The following WARS2 variants were observed in gnomAD, a reference collection of about 807,000 sequenced individuals.
WARS2 encodes the protein tryptophanyl tRNA synthetase 2, mitochondrial.
WARS2 carries 28 observed loss-of-function variants against 36.5 expected under a neutral mutation model. The ratio of observed to expected loss-of-function variants is 0.77; its 90% CI spans 0.57 to 1.05. WARS2 has a LOEUF of 1.05. WARS2 is among the 50% of genes least tolerant of loss of function. WARS2 has a pLI of 0.00. For missense variants in WARS2, 435 were observed against 456.8 expected (o/e 0.95, Z 0.44); for synonymous variants, 174 against 178.4 (o/e 0.98, Z 0.20).
chr1:119,137,992 T>C (rs913389670), intron 1 of WARS2, among the ~76,000 whole-genome samples: 5 of 152,226 alleles, frequency 3.3e-5, no homozygotes, highest in African/African-American at 7.2e-5. Flanking sequence ...AGCACTGTTA[T>C]GGCTCATTCA....
chr1:119,128,662 T>C (rs1655864572), intron 1 of WARS2, among the ~76,000 whole-genome samples: 1 of 147,026 alleles, frequency 6.8e-6, no homozygotes, highest in Non-Finnish European at 1.5e-5. Flanking sequence ...ATTTAAATGG[T>C]ATTCAGCTGA....
chr1:119,134,340 AAC>A (rs1491396514), intron 1 of WARS2, among the ~76,000 whole-genome samples: 1 of 150,704 alleles, frequency 6.6e-6, no homozygotes, highest in African/African-American at 2.4e-5. Flanking sequence ...AAAAAAAAAA[AAC>A]AAAGACAAAA....
intron 1 of WARS2, among the ~76,000 whole-genome samples, chr1:119,130,858 C>A (rs9428294): frequency 0.89 from 135,219 of 152,214 alleles, 60,362 homozygotes; most frequent in African/African-American, 0.97. Context: ...GCTCAACAGG[C>A]AAATCTTCCT....
At chr1:119,086,513 G>T (rs587687062) in intron 1 of WARS2, among the ~76,000 whole-genome samples, 10 of 152,290 alleles carry the variant, frequency 6.6e-5, no homozygotes, top group Admixed American at 3.3e-4. Context: ...TTGAGAGGTG[G>T]ATGGATAATA....
chr1:119,043,823 A>G (rs1458788541), intron 3 of WARS2, among the ~76,000 whole-genome samples: 1 of 152,210 alleles, frequency 6.6e-6, no homozygotes, highest in Non-Finnish European at 1.5e-5. Flanking sequence ...TTGAGTGCCT[A>G]TTATGTGCTC....
Position 119,032,182 on chromosome 1 carries a change from G to A in WARS2, c.*729C>T, listed in dbSNP as rs1255022684. The A allele has an allele frequency of 6.6e-6, 1 of 152,076 alleles. No individual in the cohort carries two copies. Among genetic ancestry groups the A allele is most frequent in the Non-Finnish European group, 1.5e-5 (1 of 68,038 alleles). 9.4% of individuals were successfully genotyped at this position (152,076 alleles called of 1,614,324 possible). A position where few individuals can be genotyped will look rare whatever the true frequency, so the allele number is the denominator to read the frequency against. ...GACAATAATTCTCCTAATTCATAGG[G>A]GGTTGGTGAGACTAAACTGAAATGA... On this transcript the variant is annotated 3_prime_UTR_variant, in exon 6 of 6. Transcript: ENST00000235521.
chr1:119,127,882 T>G (rs1288631365), intron 1 of WARS2, among the ~76,000 whole-genome samples: 4 of 152,284 alleles, frequency 2.6e-5, no homozygotes, highest in African/African-American at 7.2e-5. Context: ...TCAAGAAAAT[T>G]TTGGTAAGGC....
chr1:119,109,200 C>T (rs971765007), intron 1 of WARS2, among the ~76,000 whole-genome samples: 1 of 151,904 alleles, frequency 6.6e-6, no homozygotes. Flanking sequence ...TTGTGAGATA[C>T]AAATCATCTA....
chr1:119,120,767 C>T (rs1456196301), intron 1 of WARS2, among the ~76,000 whole-genome samples: 1 of 151,910 alleles, frequency 6.6e-6, no homozygotes, highest in East Asian at 1.9e-4. Flanking sequence ...AATGATATAC[C>T]ACACAAACAG....
At chr1:119,046,288 T>G (rs997436319) in intron 2 of WARS2, among the ~76,000 whole-genome samples, 2 of 13,126 alleles carry the variant, frequency 1.5e-4, no homozygotes, top group African/African-American at 8.1e-4. Context: ...CTTTTCTGTT[T>G]TTTTTTTTTT....
chr1:119,045,452 G>C, intron 3 of WARS2, 130 bp downstream of exon 3: 1 of 734,814 alleles, frequency 1.4e-6, no homozygotes. Context: ...AAGCAGGGAG[G>C]TTAAAGATGA....
intron 1 of WARS2, among the ~76,000 whole-genome samples, chr1:119,116,792 G>A (rs1654999644): frequency 6.6e-6 from 1 of 152,198 alleles, no homozygotes; most frequent in Non-Finnish European, 1.5e-5. Flanking sequence ...CTTGGAGAAG[G>A]AAACGCAGCC....
chr1:119,060,794 T>C (rs2361272), intron 2 of WARS2, among the ~76,000 whole-genome samples: 48,259 of 152,064 alleles, frequency 0.32, 8,862 homozygotes, highest in African/African-American at 0.51. Flanking sequence ...GATAGAAACC[T>C]GCATTCTTAC....
intron 2 of WARS2, among the ~76,000 whole-genome samples, chr1:119,059,912 A>C (rs1650238175): frequency 6.6e-6 from 1 of 152,186 alleles, no homozygotes; most frequent in South Asian, 2.1e-4. Context: ...ATTGAGGAGA[A>C]GCACACACAG....
intron 4 of WARS2, 27 bp downstream of exon 4, chr1:119,042,237 T>C: frequency 1.9e-6 from 3 of 1,609,290 alleles, no homozygotes; most frequent in Non-Finnish European, 2.6e-6. Context: ...TGAGTATGTA[T>C]AAGACTGGGC....
chr1:119,138,418 A>G (rs921580653), intron 1 of WARS2, among the ~76,000 whole-genome samples: 43 of 152,174 alleles, frequency 2.8e-4, no homozygotes, highest in Non-Finnish European at 1.0e-4. Flanking sequence ...GATCTGTATA[A>G]AGATTTATGA....
intron 1 of WARS2, among the ~76,000 whole-genome samples, chr1:119,110,418 AT>A (rs758316099): frequency 1.3e-5 from 2 of 151,738 alleles, no homozygotes; most frequent in Non-Finnish European, 2.9e-5. Flanking sequence ...TTCCAGATTG[AT>A]TTTTTTTCCT....
chr1:119,134,659 T>C (rs903980274), intron 1 of WARS2, among the ~76,000 whole-genome samples: 11 of 152,318 alleles, frequency 7.2e-5, no homozygotes, highest in Middle Eastern at 3.4e-3. Context: ...ACTAAATGCC[T>C]GAGCAGAGTT....
chr1:119,057,076 G>A (rs1649881886), intron 2 of WARS2, among the ~76,000 whole-genome samples: 1 of 152,056 alleles, frequency 6.6e-6, no homozygotes, highest in Non-Finnish European at 1.5e-5. Context: ...TGGGTGAACT[G>A]GTATCTTACT....
Sources: allele counts gnomAD v4.1 joint callset (sites outside exome capture counted in the v4.1 genomes callset), GRCh38; gene constraint gnomAD v4.1.1; transcripts MANE v1.5; gene names NCBI Gene and HGNC (gene_info 2026-07-23, HGNC 2026-07-21).